The following NCAM2 variants were observed in gnomAD, a reference collection of about 807,000 sequenced individuals.
NCAM2 encodes the protein N-CAM-2.
NCAM2 carries 30 observed loss-of-function variants against 98.1 expected under a neutral mutation model. The observed-to-expected ratio is 0.31, with a 90% confidence interval of 0.23 to 0.41. The LOEUF is 0.41. Ranked by LOEUF, NCAM2 falls within the 10% of genes least tolerant of loss-of-function variation. NCAM2 has a pLI of 1.00. For synonymous variants in NCAM2, 368 were observed against 342.4 expected, an observed-to-expected ratio of 1.07 and a Z score of -0.83; for missense variants, 867 against 1,005.8, an observed-to-expected ratio of 0.86 and a Z score of 1.87.
chr21:21,334,005 G>T (rs1012950115), intron 6 of NCAM2, among the ~76,000 whole-genome samples: 5 of 151,860 alleles, frequency 3.3e-5, no homozygotes, highest in Admixed American at 6.6e-5. Context: ...GGCCGAGGCT[G>T]GAGTGTAGTG....
chr21:21,054,370 C>G (rs552925189), intron 1 of NCAM2, among the ~76,000 whole-genome samples: 1 of 152,090 alleles, frequency 6.6e-6, no homozygotes, highest in South Asian at 2.1e-4. Context: ...GTAAATCTTA[C>G]TGCTAACGTA....
chr21:21,488,812 GTAT>G (rs1238198041), intron 15 of NCAM2, among the ~76,000 whole-genome samples: 1 of 151,764 alleles, frequency 6.6e-6, no homozygotes, highest in African/African-American at 2.4e-5. Flanking sequence ...TGGCCTTGTA[GTAT>G]TATGATTTCA....
chr21:21,196,719 C>G (rs1427085722), intron 1 of NCAM2, among the ~76,000 whole-genome samples: 2 of 152,170 alleles, frequency 1.3e-5, no homozygotes, highest in Non-Finnish European at 2.9e-5. Flanking sequence ...CAAATTTAAT[C>G]ACAATAAAAT....
intron 1 of NCAM2, among the ~76,000 whole-genome samples, chr21:21,094,505 A>G (rs2066077467): frequency 1.3e-5 from 2 of 151,838 alleles, no homozygotes; most frequent in African/African-American, 2.4e-5. Context: ...AAGATAAACT[A>G]TTTATCTAGT....
intron 1 of NCAM2, among the ~76,000 whole-genome samples, chr21:21,054,310 A>G (rs1568972698): frequency 6.6e-6 from 1 of 152,010 alleles, no homozygotes; most frequent in Non-Finnish European, 1.5e-5. Context: ...CAGATATTCA[A>G]ACAGATGGGT....
intron 1 of NCAM2, among the ~76,000 whole-genome samples, chr21:21,242,429 A>T (rs1448507961): frequency 6.6e-6 from 1 of 152,168 alleles, no homozygotes; most frequent in Non-Finnish European, 1.5e-5. Flanking sequence ...TAGATTGATA[A>T]AGCTTATTCC....
intron 1 of NCAM2, among the ~76,000 whole-genome samples, chr21:21,276,235 A>T (rs1470542283): frequency 6.6e-6 from 1 of 152,022 alleles, no homozygotes; most frequent in East Asian, 1.9e-4. Flanking sequence ...ATACATCTTA[A>T]ACCCCTTGAT....
chr21:21,127,944 G>A (rs531724072), intron 1 of NCAM2, among the ~76,000 whole-genome samples: 3 of 152,130 alleles, frequency 2.0e-5, no homozygotes, highest in African/African-American at 4.8e-5. Context: ...CCTGGCTGAC[G>A]CCCAGCTCAT....
chr21:21,080,601 A>G (rs964759338), intron 1 of NCAM2, among the ~76,000 whole-genome samples: 13 of 141,222 alleles, frequency 9.2e-5, no homozygotes, highest in Admixed American at 3.6e-4. Context: ...GGGCAACAAG[A>G]GCAAAACTCT....
intron 1 of NCAM2, among the ~76,000 whole-genome samples, chr21:21,110,166 A>G (rs959516248): frequency 1.4e-4 from 22 of 152,232 alleles, no homozygotes; most frequent in African/African-American, 5.3e-4. Flanking sequence ...CAGCGTCCTC[A>G]TGACAGAAAA....
At chr21:21,149,452 G>A (rs1436558598) in intron 1 of NCAM2, among the ~76,000 whole-genome samples, 1 of 152,058 alleles carries the variant, frequency 6.6e-6, no homozygotes, top group Non-Finnish European at 1.5e-5. Flanking sequence ...AGAATGTGCA[G>A]GTTTGTTACA....
At chr21:21,098,073 G>C (rs2066161049) in intron 1 of NCAM2, among the ~76,000 whole-genome samples, 3 of 97,132 alleles carry the variant, frequency 3.1e-5, no homozygotes, top group African/African-American at 8.8e-5. Context: ...TGAGAATTTA[G>C]TTTTATGAAG....
chr21:21,413,602 A>G (rs933971429), intron 10 of NCAM2, among the ~76,000 whole-genome samples: 3 of 152,224 alleles, frequency 2.0e-5, no homozygotes, highest in Admixed American at 6.5e-5. Flanking sequence ...TTCAGTGCAT[A>G]TAAAAGTTAT....
At chr21:21,457,617 G>A (rs1469428034) in intron 12 of NCAM2, among the ~76,000 whole-genome samples, 1 of 151,582 alleles carries the variant, frequency 6.6e-6, no homozygotes, top group Non-Finnish European at 1.5e-5. Context: ...ACCAGCCTGG[G>A]CAACAGAGCA....
intron 1 of NCAM2, among the ~76,000 whole-genome samples, chr21:21,151,116 A>T (rs2067435532): frequency 6.6e-6 from 1 of 151,990 alleles, no homozygotes; most frequent in African/African-American, 2.4e-5. Flanking sequence ...CAATTAAAAA[A>T]ACACTTCTGT....
At position 21,437,474 on chromosome 21, in the gene NCAM2, C is replaced by CTGTGTGTGTGTGTGTGTGTGTGTGTG. The variant is rs3990174; in HGVS notation, c.1654+5195_1654+5220dup. On this transcript the variant is annotated intron_variant, in intron 12 of 17. Transcript: ENST00000400546. Reference sequence around the variant, plus strand: ...ATTTATCCAATCCCCCACCAAGATTCTGTGTGTGTGTGTGTGTGTGTGTGT... The same window carrying CTGTGTGTGTGTGTGTGTGTGTGTGTG: ...ATTTATCCAATCCCCCACCAAGATTCTGTGTGTGTGTGTGTGTGTGTGTGTGTGTGTGTGTGTGTGTGTGTGTGTGT... Among the ~76,000 whole-genome samples the CTGTGTGTGTGTGTGTGTGTGTGTGTG allele has an allele frequency of 1.4e-3, 208 of 144,504 alleles. 2 individuals are homozygous for CTGTGTGTGTGTGTGTGTGTGTGTGTG. Among genetic ancestry groups the CTGTGTGTGTGTGTGTGTGTGTGTGTG allele is most frequent in the African/African-American group, 4.9e-3 (187 of 38,096 alleles). 94.8% of individuals were successfully genotyped at this position (144,504 alleles called of 152,430 possible).
At chr21:21,143,358 T>C (rs538870232) in intron 1 of NCAM2, among the ~76,000 whole-genome samples, 3 of 152,352 alleles carry the variant, frequency 2.0e-5, no homozygotes, top group Non-Finnish European at 2.9e-5. Flanking sequence ...ATTAAACATA[T>C]TAACTCTGAT....
At chr21:21,292,438 C>T (rs8126533) in intron 5 of NCAM2, among the ~76,000 whole-genome samples, 197 bp downstream of exon 5, 53,714 of 151,360 alleles carry the variant, frequency 0.35, 10,665 homozygotes, top group East Asian at 0.57. Flanking sequence ...ACTTATGTTA[C>T]ATTGTCATTC....
At position 21,274,989 on chromosome 21, in the gene NCAM2, ATTATAT is replaced by A. The variant is rs1223119415; in HGVS notation, c.56-5581_56-5576del. Among the ~76,000 whole-genome samples the A allele has an allele frequency of 1.1e-4, 16 of 152,108 alleles. No homozygotes were observed. In the East Asian group the frequency reaches 3.1e-3, roughly 29 times the overall value. ...GGAACTTAGAAATGCTAATATATTC[ATTATAT>A]TTATATTACTATAAATTTTAAAAAT... On this transcript the variant is annotated intron_variant, in intron 1 of 17. Transcript: ENST00000400546.
Sources: gnomAD v4.1 joint callset for allele counts (sites outside exome capture counted in the v4.1 genomes callset) on GRCh38, gnomAD v4.1.1 for gene constraint, MANE v1.5 for transcripts, NCBI Gene and HGNC (gene_info 2026-07-23, HGNC 2026-07-21) for gene names.